Variants in STAM observed in about 807,000 individuals in gnomAD.
The protein encoded by STAM is signal transducing adapter molecule 1.
A neutral mutation model predicts 63.4 loss-of-function variants in STAM; 16 were observed. The ratio of observed to expected loss-of-function variants is 0.25; its 90% CI spans 0.17 to 0.38. The LOEUF is 0.38. STAM is among the 10% of genes least tolerant of loss of function. The pLI is 1.00. For missense variants in STAM, 636 were observed against 657.1 expected (o/e 0.97, Z 0.35); for synonymous variants, 238 against 223.9 (o/e 1.06, Z -0.56).
chr10:17,670,109 A>G (rs1169743052), intron 2 of STAM, among the ~76,000 whole-genome samples: 1 of 152,054 alleles, frequency 6.6e-6, no homozygotes, highest in Non-Finnish European at 1.5e-5. Context: ...TGAGGGGGAA[A>G]TTGAGATGAT....
intron 9 of STAM, among the ~76,000 whole-genome samples, chr10:17,701,744 ATTC>A (rs1836008014): frequency 6.6e-6 from 1 of 152,126 alleles, no homozygotes; most frequent in East Asian, 1.9e-4. Context: ...TCCCTTTTCA[ATTC>A]TTCTCTCCAA....
At chr10:17,707,520 A>G (rs1263669825) in intron 12 of STAM, among the ~76,000 whole-genome samples, 1 of 152,170 alleles carries the variant, frequency 6.6e-6, no homozygotes, top group Non-Finnish European at 1.5e-5. Flanking sequence ...TAGCAGAATG[A>G]GGGGCCAGCA....
intron 2 of STAM, among the ~76,000 whole-genome samples, chr10:17,669,994 T>C (rs1362945022): frequency 6.6e-6 from 1 of 151,066 alleles, no homozygotes; most frequent in Non-Finnish European, 1.5e-5. Context: ...CCTCCCAAAG[T>C]GCTGGGATCA....
At chr10:17,680,002 C>T (rs569357836) in intron 2 of STAM, among the ~76,000 whole-genome samples, 15 of 151,798 alleles carry the variant, frequency 9.9e-5, no homozygotes, top group African/African-American at 3.4e-4. Flanking sequence ...AAAGGTTTTT[C>T]AGTTTTGTTG....
chr10:17,661,712 T>A (rs1202067445), intron 2 of STAM, among the ~76,000 whole-genome samples: 2 of 152,196 alleles, frequency 1.3e-5, no homozygotes, highest in Non-Finnish European at 2.9e-5. Context: ...TATTACTCAA[T>A]TCTGTCCATC....
intron 2 of STAM, among the ~76,000 whole-genome samples, chr10:17,667,919 G>A (rs1834462150): frequency 1.3e-5 from 2 of 152,224 alleles, no homozygotes; most frequent in Admixed American, 6.5e-5. Context: ...TGCCCTGAAT[G>A]AGCGCAGAGC....
chr10:17,707,277 G>A (rs1554829395), intron 12 of STAM, among the ~76,000 whole-genome samples: 1 of 152,108 alleles, frequency 6.6e-6, no homozygotes, highest in African/African-American at 2.4e-5. Context: ...TGGCGTGGTG[G>A]TGGGTGCCTA....
intron 1 of STAM, among the ~76,000 whole-genome samples, chr10:17,647,032 C>T (rs1402270032): frequency 6.6e-6 from 1 of 152,218 alleles, no homozygotes; most frequent in African/African-American, 2.4e-5. Context: ...CTGGTGATAG[C>T]TTTTCCCTTG....
intron 1 of STAM, among the ~76,000 whole-genome samples, chr10:17,655,061 G>A (rs1324431173): frequency 2.6e-5 from 4 of 151,824 alleles, no homozygotes; most frequent in Non-Finnish European, 4.4e-5. Context: ...TAAATACATC[G>A]GGAAGCCCTT....
intron 1 of STAM, among the ~76,000 whole-genome samples, chr10:17,646,412 C>G (rs1324705955): frequency 6.6e-6 from 1 of 152,178 alleles, no homozygotes; most frequent in Non-Finnish European, 1.5e-5. Context: ...CTAGTCCACT[C>G]TAATTTCCAC....
chr10:17,708,950 A>C lies in STAM; in HGVS notation c.1384A>C (p.Asn462His). ...TCAGCAGACTCAGGCCGCTTACCCA[A>C]AGTAATTTTACTGTTGATTCTTGTT... ...PSQQTQAAYP[N>H]TMVSSVQGNT... is the part of the protein sequence containing the mutation. The change falls in exon 13 of 14, where the codon AAT becomes CAT. Residue 462 changes from asparagine to histidine, a missense_variant and splice_region_variant. Coordinates refer to ENST00000377524, the MANE Select transcript of STAM (RefSeq NM_003473.4). 1.2e-6 allele frequency: 2 copies of C among 1,613,044 alleles called. No individual in the cohort carries two copies. The highest frequency in any genetic ancestry group is 2.2e-5 in the East Asian group (1 of 44,858).
rs1564569275 is a variant in STAM at position 17,704,532 on chromosome 10, A to T, written c.1000+14A>T. Reference sequence around the variant, plus strand: ...TTCATCTTGAAGGTAAAACTTTTCTATTTACCTTGCAAATAAAGAGTAGTT... The same window carrying T: ...TTCATCTTGAAGGTAAAACTTTTCTTTTTACCTTGCAAATAAAGAGTAGTT... On this transcript the variant is annotated intron_variant, in intron 10 of 13. Transcript: ENST00000377524. 2 of 1,606,232 alleles carry T rather than the reference A, an allele frequency of 1.2e-6. No homozygotes were observed.
intron 2 of STAM, among the ~76,000 whole-genome samples, chr10:17,673,392 T>G (rs1834719308): frequency 6.6e-6 from 1 of 152,216 alleles, no homozygotes; most frequent in African/African-American, 2.4e-5. Flanking sequence ...AAAAGCAGTA[T>G]TTTTCGTGTT....
At chr10:17,677,297 TA>T (rs1321800488) in intron 2 of STAM, among the ~76,000 whole-genome samples, 1 of 151,968 alleles carries the variant, frequency 6.6e-6, no homozygotes, top group Admixed American at 6.6e-5. Flanking sequence ...TTTCCTACCT[TA>T]AAAAAAAGTG....
chr10:17,712,973 T>C (rs1388266542), intron 13 of STAM, among the ~76,000 whole-genome samples: 1 of 152,066 alleles, frequency 6.6e-6, no homozygotes, highest in Non-Finnish European at 1.5e-5. Context: ...ATAAAAGAAA[T>C]GAGGTTATGA....
intron 9 of STAM, among the ~76,000 whole-genome samples, chr10:17,702,114 T>G (rs1554828555): frequency 6.6e-6 from 1 of 152,134 alleles, no homozygotes; most frequent in African/African-American, 2.4e-5. Flanking sequence ...AAAATAGGAA[T>G]AGAACTGGTG....
intron 7 of STAM, chr10:17,695,594 C>T (rs1835723808): frequency 6.0e-6 from 1 of 167,202 alleles, no homozygotes; most frequent in Non-Finnish European, 1.3e-5. Context: ...AATATATAAT[C>T]TATTGAGTTT....
rs1836778415 is a variant in STAM, at chr10:17,715,497, C to T, written c.*717C>T. On this transcript the variant is annotated 3_prime_UTR_variant, in exon 14 of 14. Transcript: ENST00000377524. ...GCGTACAGTAGCTAAATTTTTGGTG[C>T]AATTATAGCAAATGATAATGTTCCC... The T allele has an allele frequency of 6.7e-6, 1 of 150,224 alleles. No homozygotes were observed. Among genetic ancestry groups the T allele is most frequent in the Non-Finnish European group, 1.5e-5 (1 of 67,078 alleles). The allele number at this position is 150,224 out of a possible 1,614,324, so 9.3% of individuals were successfully genotyped here. A position where few individuals can be genotyped will look rare whatever the true frequency, so the allele number is the denominator to read the frequency against.
At chr10:17,712,124 A>G (rs1836582658) in intron 13 of STAM, among the ~76,000 whole-genome samples, 1 of 152,208 alleles carries the variant, frequency 6.6e-6, no homozygotes, top group Non-Finnish European at 1.5e-5. Flanking sequence ...CAATAATGCT[A>G]ACATTTAAGG....
Sources: gnomAD v4.1 joint callset for allele counts (sites outside exome capture counted in the v4.1 genomes callset) on GRCh38, gnomAD v4.1.1 for gene constraint, MANE v1.5 for transcripts, NCBI Gene and HGNC (gene_info 2026-07-23, HGNC 2026-07-21) for gene names.